Variants in DMD observed in about 807,000 individuals in gnomAD.
DMD encodes the protein mutant dystrophin.
DMD carries 63 observed loss-of-function variants against 330.1 expected under a neutral mutation model. The observed-to-expected ratio is 0.19, with a 90% CI of 0.16 to 0.24. The LOEUF (loss-of-function observed/expected upper bound fraction) is 0.24, where lower values mean the gene tolerates loss of function less well. Among genes scored for constraint, DMD ranks in the 10% least tolerant of loss-of-function variants. The pLI, the probability that DMD is intolerant of heterozygous loss-of-function variation, is 1.00. For synonymous variants in DMD, 1,223 were observed against 959.8 expected (o/e 1.27, Z -5.07); for missense variants, 3,344 against 2,684.1 (o/e 1.25, Z -5.43).
chrX:31,626,309 T>A (rs896388835), intron 55 of DMD, among the ~76,000 whole-genome samples: 4 of 111,818 alleles, frequency 3.6e-5, no homozygotes, highest in African/African-American at 9.8e-5. Flanking sequence ...TCTATTAAAA[T>A]TCTGGAGTAG....
chrX:32,099,806 T>C lies in DMD; in HGVS notation c.6438+117110A>G, dbSNP rs758824811. On this transcript the variant is annotated intron_variant, in intron 44 of 78. Coordinates refer to ENST00000357033, the MANE Select transcript of DMD (RefSeq NM_004006.3). ...TACCTAATGTTAAATGAAGAGTTAATGGGTGCAGCACTCCAACATGGCACA... is the reference window on the plus strand; with the variant it reads ...TACCTAATGTTAAATGAAGAGTTAACGGGTGCAGCACTCCAACATGGCACA... Among the ~76,000 whole-genome samples the C allele has an allele frequency of 2.8e-5, 3 of 105,301 alleles. No individual in the cohort carries two copies. The Admixed American group carries it at 3.1e-4, about 11-fold the overall frequency. The allele number at this position is 105,301 out of a possible 115,157, so 91.4% of individuals were successfully genotyped here.
At chrX:31,555,787 T>C in intron 55 of DMD, among the ~76,000 whole-genome samples, 1 of 112,395 alleles carries the variant, frequency 8.9e-6, no homozygotes. Flanking sequence ...TAATGTTGTG[T>C]ACTGCAGAAT....
At chrX:32,285,079 T>C (rs1170925526) in intron 43 of DMD, among the ~76,000 whole-genome samples, 3 of 112,298 alleles carry the variant, frequency 2.7e-5, no homozygotes, top group South Asian at 3.7e-4. Context: ...TGCCAAAAAT[T>C]ACTCATGAGT....
chrX:32,816,315 G>T (rs2077757134), intron 6 of DMD, among the ~76,000 whole-genome samples, 153 bp downstream of exon 6: 1 of 112,058 alleles, frequency 8.9e-6, no homozygotes, highest in Non-Finnish European at 1.9e-5. Flanking sequence ...TTCTTAATTA[G>T]TTCATTCCAA....
At chrX:33,195,763 T>C (rs2050897815) in intron 1 of DMD, among the ~76,000 whole-genome samples, 1 of 109,065 alleles carries the variant, frequency 9.2e-6, no homozygotes, top group South Asian at 4.0e-4. Flanking sequence ...TGTGTGTGTG[T>C]GTGTACAAAA....
chrX:32,012,784 C>T (rs1035646706), intron 44 of DMD, among the ~76,000 whole-genome samples: 55 of 111,059 alleles, frequency 5.0e-4, no homozygotes, highest in South Asian at 3.8e-4. Flanking sequence ...CAAAAGGAGG[C>T]CCAATAAATG....
chrX:32,013,870 A>G (rs183404401), intron 44 of DMD, among the ~76,000 whole-genome samples: 1 of 112,465 alleles, frequency 8.9e-6, no homozygotes, highest in African/African-American at 3.2e-5. Context: ...GATAATTGAA[A>G]GAAAAGGAAT....
chrX:32,690,764 G>A (rs1274266477), intron 9 of DMD, among the ~76,000 whole-genome samples: 1 of 109,537 alleles, frequency 9.1e-6, no homozygotes, highest in Admixed American at 9.7e-5. Flanking sequence ...TTCAACAAAT[G>A]GTGTTGGAAA....
Position 31,470,932 on chromosome X carries a change from C to T in DMD, c.8937+7174G>A, listed in dbSNP as rs778252011. The stretch of plus-strand genomic sequence containing the variant: ...GCTCCGCCCAGTTAGAACTTCTTGA[C>T]GGCTTTGTTTACACTGTGAGGGGAA... On this transcript the variant is annotated intron_variant, in intron 59 of 78. Transcript: ENST00000357033. Among the ~76,000 whole-genome samples the T allele has an allele frequency of 6.2e-5, 7 of 112,175 alleles. No individual in the cohort carries two copies. The South Asian group carries it at 2.6e-3, about 42-fold the overall frequency.
At chrX:31,983,970 G>A (rs1408033381) in intron 44 of DMD, among the ~76,000 whole-genome samples, 3 of 111,234 alleles carry the variant, frequency 2.7e-5, no homozygotes, top group Non-Finnish European at 3.8e-5. Context: ...CCCATTATTC[G>A]GTACTGGCTC....
At chrX:33,087,951 G>A (rs2095032443) in intron 1 of DMD, among the ~76,000 whole-genome samples, 1 of 111,216 alleles carries the variant, frequency 9.0e-6, no homozygotes, top group African/African-American at 3.3e-5. Context: ...CCTCCTTTAC[G>A]AAACTAATCT....
Position 32,826,925 on chromosome X carries a change from T to TA in DMD, c.265-3539dup, listed in dbSNP as rs1192955620. Among the ~76,000 whole-genome samples the TA allele has an allele frequency of 2.8e-3, 312 of 110,892 alleles. 1 individual carries two copies. The highest frequency in any genetic ancestry group is 9.6e-3 in the African/African-American group (294 of 30,471). ...AGCATTCCACAACATCTAGATATTT[T>TA]AAAAAATCATATGCTACATGGTATA... On this transcript the variant is annotated intron_variant, in intron 4 of 78. Coordinates refer to ENST00000357033, the MANE Select transcript of DMD (RefSeq NM_004006.3).
At chrX:32,505,527 A>G (rs186139395) in intron 18 of DMD, among the ~76,000 whole-genome samples, 65 of 112,404 alleles carry the variant, frequency 5.8e-4, no homozygotes, top group African/African-American at 2.0e-3. Context: ...GCCGACAGAG[A>G]AATGGGGCAA....
At chrX:32,769,578 G>C (rs1439884904) in intron 7 of DMD, among the ~76,000 whole-genome samples, 1 of 111,119 alleles carries the variant, frequency 9.0e-6, no homozygotes, top group African/African-American at 3.3e-5. Context: ...AAAGCAGCAA[G>C]GTTGTTTAGC....
At chrX:31,657,512 G>C (rs1347500603) in intron 54 of DMD, among the ~76,000 whole-genome samples, 1 of 111,498 alleles carries the variant, frequency 9.0e-6, no homozygotes, top group Non-Finnish European at 1.9e-5. Context: ...ATATATAATG[G>C]GAAATGAAGT....
At chrX:32,673,686 C>T (rs1304990831) in intron 9 of DMD, among the ~76,000 whole-genome samples, 2 of 112,027 alleles carry the variant, frequency 1.8e-5, no homozygotes, top group Non-Finnish European at 3.8e-5. Context: ...TCCCTCCTAT[C>T]ATGAAGAAGC....
rs1302015325 is a variant in DMD, at chrX:31,214,930, C to CTTTTTTTTTTTTT, written c.9362-5232_9362-5231insAAAAAAAAAAAAA. ...AACCACCAAAGATACTTTTTTATTT[C>CTTTTTTTTTTTTT]TTTTTTCTTTTTTTTTTTTTTTTTT... On this transcript the variant is annotated intron_variant, in intron 64 of 78. Coordinates refer to ENST00000357033, the MANE Select transcript of DMD (RefSeq NM_004006.3). Among the ~76,000 whole-genome samples the CTTTTTTTTTTTTT allele has an allele frequency of 3.9e-4, 18 of 46,134 alleles. 1 individual carries two copies. Among genetic ancestry groups the CTTTTTTTTTTTTT allele is most frequent in the African/African-American group, 1.1e-3 (13 of 12,106 alleles). 40.1% of individuals were successfully genotyped at this position (46,134 alleles called of 115,157 possible). A position where few individuals can be genotyped will look rare whatever the true frequency, so the allele number is the denominator to read the frequency against.
At chrX:32,602,294 C>G (rs925251476) in intron 12 of DMD, among the ~76,000 whole-genome samples, 4 of 110,916 alleles carry the variant, frequency 3.6e-5, no homozygotes, top group African/African-American at 1.3e-4. Flanking sequence ...CTTTCCTACT[C>G]TTTCTACAAT....
intron 45 of DMD, among the ~76,000 whole-genome samples, chrX:31,953,271 T>C (rs6631440): frequency 0.22 from 24,182 of 111,524 alleles, 3,638 homozygotes; most frequent in African/African-American, 0.54. Context: ...GAGTTGCTAT[T>C]CTGCCTTTTT....
Sources: allele counts gnomAD v4.1 joint callset (sites outside exome capture counted in the v4.1 genomes callset), GRCh38; gene constraint gnomAD v4.1.1; transcripts MANE v1.5; gene names NCBI Gene and HGNC (gene_info 2026-07-23, HGNC 2026-07-21).